Variants in CYP3A43 observed in about 807,000 individuals in gnomAD.
CYP3A43 encodes the protein cytochrome P450 3A43.
A neutral mutation model predicts 58.0 loss-of-function variants in CYP3A43; 45 were observed. That is an observed-to-expected ratio of 0.78 (90% CI 0.61 to 0.99). The LOEUF (loss-of-function observed/expected upper bound fraction) is 0.99, where lower values mean the gene tolerates loss of function less well. Among genes scored for constraint, CYP3A43 ranks in the 50% least tolerant of loss-of-function variants. The pLI is 0.00. For missense variants in CYP3A43, 593 were observed against 591.9 expected (o/e 1.00, Z -0.02); for synonymous variants, 191 against 201.4 (o/e 0.95, Z 0.44).
At chr7:99,836,370 C>A (rs535430985) in intron 1 of CYP3A43, 83 bp from the exon 2 acceptor site, 3 of 1,065,936 alleles carry the variant, frequency 2.8e-6, no homozygotes, top group Non-Finnish European at 2.9e-6. Context: ...CTTGAACATT[C>A]CAGTTCCTGA....
intron 1 of CYP3A43, among the ~76,000 whole-genome samples, chr7:99,835,613 G>T (rs1398953865): frequency 6.6e-6 from 1 of 152,186 alleles, no homozygotes; most frequent in Admixed American, 6.5e-5. Flanking sequence ...ATTATTTCCT[G>T]GGTCACAGAC....
chr7:99,864,103 G>A (rs1268657030), intron 12 of CYP3A43, among the ~76,000 whole-genome samples: 1 of 148,570 alleles, frequency 6.7e-6, no homozygotes, highest in East Asian at 1.9e-4. Flanking sequence ...GCTTTCTCAT[G>A]ACAGTGTTTC....
rs1309969712 is a variant in CYP3A43 at position 99,865,778 on chromosome 7, A to G, written c.1417-128A>G. The G allele has an allele frequency of 2.7e-5, 15 of 550,982 alleles. No homozygotes were observed. In the South Asian group the frequency reaches 3.8e-4, roughly 14 times the overall value. The allele number at this position is 550,982 out of a possible 1,614,324, so 34.1% of individuals were successfully genotyped here. ...AACAAGTACAAATAAACCAACATGT[A>G]TGGTGCTGAAAGTAGTTTTTTTTTA... On this transcript the variant is annotated intron_variant, in intron 12 of 12. Coordinates refer to ENST00000354829, the MANE Select transcript of CYP3A43 (RefSeq NM_057095.3).
intron 2 of CYP3A43, chr7:99,838,758 T>G (rs1817197290): frequency 1.1e-6 from 1 of 934,036 alleles, no homozygotes; most frequent in African/African-American, 1.7e-5. Context: ...AGCAGGAGGA[T>G]CACCTAAGGT....
rs1344016809 is a variant in CYP3A43, at chr7:99,856,889, G to A, written c.855G>A (p.Lys285=). The A allele has an allele frequency of 3.1e-6, 5 of 1,613,876 alleles. No individual in the cohort carries two copies. The African/African-American group carries it at 6.7e-5, about 22-fold the overall frequency. ...ACTCCCAGAATTCCAAAGAAACAAA[G>A]TCCCATAAAGGTAACCAAGAACTGC... The part of the protein sequence containing the change: ...MIDSQNSKET[K]SHKALSDLEL... Residue 285 remains lysine, a synonymous_variant, in exon 9 of 13, where the codon AAG becomes AAA. Transcript: ENST00000354829.
At chr7:99,845,269 A>C (rs1194601338) in intron 4 of CYP3A43, among the ~76,000 whole-genome samples, 1 of 151,772 alleles carries the variant, frequency 6.6e-6, no homozygotes, top group Non-Finnish European at 1.5e-5. Flanking sequence ...CTTTTTCACA[A>C]TTGTCAAAAA....
At chr7:99,834,261 G>A (rs1200388503) in intron 1 of CYP3A43, among the ~76,000 whole-genome samples, 1 of 152,104 alleles carries the variant, frequency 6.6e-6, no homozygotes, top group Non-Finnish European at 1.5e-5. Flanking sequence ...ATAGATGGGG[G>A]TACGGTACCC....
chr7:99,865,289 T>G lies in CYP3A43; in HGVS notation c.1417-617T>G, dbSNP rs966166595. On this transcript the variant is annotated intron_variant, in intron 12 of 12. Coordinates refer to ENST00000354829, the MANE Select transcript of CYP3A43 (RefSeq NM_057095.3). ...CTGACACTGAAGTGACTTGGGAGAATGAGGGCTCAAAGTATTAGTCAAAAC... is the reference window on the plus strand; with the variant it reads ...CTGACACTGAAGTGACTTGGGAGAAGGAGGGCTCAAAGTATTAGTCAAAAC... Among the ~76,000 whole-genome samples the G allele has an allele frequency of 4.0e-5, 6 of 148,400 alleles. No individual in the cohort carries two copies. The South Asian group carries it at 1.2e-3, about 31-fold the overall frequency.
intron 3 of CYP3A43, among the ~76,000 whole-genome samples, chr7:99,841,438 C>A (rs1364388322): frequency 1.3e-5 from 2 of 152,138 alleles, no homozygotes; most frequent in African/African-American, 4.8e-5. Context: ...GCTCTTGTCA[C>A]CCAGGCTGGA....
At chr7:99,851,464 G>C (rs776558538) in intron 7 of CYP3A43, among the ~76,000 whole-genome samples, 12 of 140,910 alleles carry the variant, frequency 8.5e-5, no homozygotes, top group Non-Finnish European at 1.8e-4. Flanking sequence ...CCAACACTTG[G>C]TTTTCTCATT....
intron 1 of CYP3A43, among the ~76,000 whole-genome samples, chr7:99,831,075 T>C (rs1450883498): frequency 2.0e-5 from 3 of 152,162 alleles, no homozygotes; most frequent in Non-Finnish European, 2.9e-5. Flanking sequence ...GGGCAGATAA[T>C]GGATTATAAA....
chr7:99,863,530 A>T lies in CYP3A43; in HGVS notation c.1254-7A>T. ...TAACTAGTTTTTATGTACTACTGTGAAAGTAGGTTCAGTAAGAAGAACAAG... is the reference window on the plus strand; with the variant it reads ...TAACTAGTTTTTATGTACTACTGTGTAAGTAGGTTCAGTAAGAAGAACAAG... On this transcript the variant is annotated splice_polypyrimidine_tract_variant and splice_region_variant and intron_variant, in intron 11 of 12. Coordinates refer to ENST00000354829, the MANE Select transcript of CYP3A43 (RefSeq NM_057095.3). The T allele has an allele frequency of 3.1e-6, 5 of 1,593,552 alleles. No individual in the cohort carries two copies. The highest frequency in any genetic ancestry group is 4.3e-6 in the Non-Finnish European group (5 of 1,172,316).
In CYP3A43 at chr7:99,849,713, T is replaced by C; in HGVS notation, c.670+19T>C. 1.3e-6 allele frequency: 2 copies of C among 1,543,070 alleles called. No homozygotes were observed. The highest frequency in any genetic ancestry group is 1.7e-6 in the Non-Finnish European group (2 of 1,156,960). Reference sequence around the variant, plus strand: ...TTAATATGTATGTGGACTTTTATGTTATTTCTCTCTCTCTCTCTCTCTCAT... The same window carrying C: ...TTAATATGTATGTGGACTTTTATGTCATTTCTCTCTCTCTCTCTCTCTCAT... On this transcript the variant is annotated intron_variant, in intron 7 of 12. Coordinates refer to ENST00000354829, the MANE Select transcript of CYP3A43 (RefSeq NM_057095.3).
rs1285750031 is a variant in CYP3A43 at position 99,865,926 on chromosome 7, T to G, written c.1437T>G (p.Asn479Lys). The G allele has an allele frequency of 3.8e-6, 6 of 1,564,176 alleles. 1 individual carries two copies. The African/African-American group carries it at 1.3e-4, about 35-fold the overall frequency. The change falls in exon 13 of 13, where the codon AAT (asparagine) becomes AAG (lysine). Residue 479 changes from asparagine to lysine, a missense_variant. Physicochemically the swap from Asn to Lys is moderately conservative, Grantham distance 94. Transcript: ENST00000354829. ...KETQIPLKLD[N>K]LPILQPEKPI... ...TGCAGATCCCACTGAAATTAGACAATCTACCAATTCTTCAACCAGAAAAAC... is the reference window on the plus strand; with the variant it reads ...TGCAGATCCCACTGAAATTAGACAAGCTACCAATTCTTCAACCAGAAAAAC...
intron 3 of CYP3A43, among the ~76,000 whole-genome samples, chr7:99,841,188 C>G (rs1018866786): frequency 1.3e-5 from 2 of 152,150 alleles, no homozygotes; most frequent in East Asian, 1.9e-4. Context: ...CTAGCTATAA[C>G]TTCCCCTTAT....
At chr7:99,834,958 G>C (rs138733989) in intron 1 of CYP3A43, among the ~76,000 whole-genome samples, 1 of 152,322 alleles carries the variant, frequency 6.6e-6, no homozygotes, top group East Asian at 1.9e-4. Flanking sequence ...TAAGCTGCCA[G>C]CTATGTTTTC....
At chr7:99,857,480 C>T (rs969316694) in intron 9 of CYP3A43, among the ~76,000 whole-genome samples, 2 of 152,058 alleles carry the variant, frequency 1.3e-5, no homozygotes, top group African/African-American at 2.4e-5. Context: ...TGACCATGAT[C>T]GATTTCAAGC....
intron 1 of CYP3A43, among the ~76,000 whole-genome samples, chr7:99,832,607 G>A (rs1367122665): frequency 2.0e-5 from 3 of 150,470 alleles, no homozygotes; most frequent in African/African-American, 7.4e-5. Flanking sequence ...GAGTTAATGG[G>A]TGCAGCACAC....
At chr7:99,839,207 G>A in intron 3 of CYP3A43, 35 bp downstream of exon 3, 1 of 1,611,352 alleles carries the variant, frequency 6.2e-7, no homozygotes, top group Non-Finnish European at 8.5e-7. Context: ...GGATAGAGCT[G>A]TTGCTATGCT....
Sources: allele counts gnomAD v4.1 joint callset (sites outside exome capture counted in the v4.1 genomes callset), GRCh38; gene constraint gnomAD v4.1.1; transcripts MANE v1.5; gene names NCBI Gene and HGNC (gene_info 2026-07-23, HGNC 2026-07-21).